EXT1: variants seen among roughly 807,000 people sequenced by gnomAD.
EXT1 encodes the protein exostosin glycosyltransferase 1, also known as exostosin-1.
EXT1 carries 20 observed loss-of-function variants against 82.5 expected under a neutral mutation model. The observed-to-expected ratio is 0.24, with a 90% CI of 0.17 to 0.35. EXT1 has a LOEUF of 0.35. EXT1 is among the 10% of genes least tolerant of loss of function. The pLI, the probability that EXT1 is intolerant of heterozygous loss-of-function variation, is 1.00. For missense variants in EXT1, 757 were observed against 936.5 expected, an observed-to-expected ratio of 0.81 and a Z score of 2.50; for synonymous variants, 348 against 350.8, an observed-to-expected ratio of 0.99 and a Z score of 0.09.
At chr8:117,889,365 C>T (rs1165940512) in intron 1 of EXT1, among the ~76,000 whole-genome samples, 2 of 152,152 alleles carry the variant, frequency 1.3e-5, no homozygotes, top group African/African-American at 2.4e-5. Flanking sequence ...AAATATACAC[C>T]GTGAGTTAAA....
At chr8:117,858,767 AGGCAGGCAGGCAGGCAGGC>A (rs1180568852) in intron 1 of EXT1, among the ~76,000 whole-genome samples, 2 of 65,252 alleles carry the variant, frequency 3.1e-5, no homozygotes, top group African/African-American at 1.4e-4. Flanking sequence ...GAAGGAAGGA[AGGCAGGCAGGCAGGCAGGC>A]AGGCAAGGCA....
At chr8:118,065,220 G>T (rs570366432) in intron 1 of EXT1, among the ~76,000 whole-genome samples, 1 of 152,190 alleles carries the variant, frequency 6.6e-6, no homozygotes, top group Non-Finnish European at 1.5e-5. Context: ...GTTCTGCTGT[G>T]CATTTCTCTA....
At chr8:117,876,043 GAAACT>G (rs1284737132) in intron 1 of EXT1, among the ~76,000 whole-genome samples, 7 of 152,220 alleles carry the variant, frequency 4.6e-5, no homozygotes, top group Non-Finnish European at 1.0e-4. Flanking sequence ...ATCCATGCCA[GAAACT>G]ATAAGAGATG....
At chr8:118,024,749 C>CT (rs1415958852) in intron 1 of EXT1, among the ~76,000 whole-genome samples, 1 of 152,054 alleles carries the variant, frequency 6.6e-6, no homozygotes, top group African/African-American at 2.4e-5. Context: ...GGAAGTGGGC[C>CT]TAGAGGTCTG....
chr8:118,036,766 C>T (rs1586356380), intron 1 of EXT1, among the ~76,000 whole-genome samples: 1 of 152,256 alleles, frequency 6.6e-6, no homozygotes. Flanking sequence ...TCTTAACCAC[C>T]TTCCAGGCTT....
At chr8:118,096,554 T>C (rs1253525896) in intron 1 of EXT1, among the ~76,000 whole-genome samples, 2 of 148,782 alleles carry the variant, frequency 1.3e-5, no homozygotes, top group Non-Finnish European at 3.0e-5. Context: ...TGAGCCGAGA[T>C]CACGCCACTG....
intron 10 of EXT1, among the ~76,000 whole-genome samples, 165 bp downstream of exon 10, chr8:117,804,557 C>T (rs189608721): frequency 7.2e-5 from 11 of 152,260 alleles, no homozygotes; most frequent in African/African-American, 2.4e-4. Flanking sequence ...CCTAATTATC[C>T]CTGCACCAAT....
intron 1 of EXT1, among the ~76,000 whole-genome samples, chr8:118,056,135 G>C (rs905185513): frequency 1.2e-4 from 18 of 152,184 alleles, no homozygotes; most frequent in African/African-American, 4.3e-4. Flanking sequence ...TTTGTGTTGG[G>C]TTGCATTCAA....
chr8:117,880,881 G>A (rs1020039097), intron 1 of EXT1, among the ~76,000 whole-genome samples: 10 of 152,246 alleles, frequency 6.6e-5, no homozygotes, highest in East Asian at 3.9e-4. Context: ...GTGAGCCACC[G>A]TGCCCGGCCT....
intron 1 of EXT1, among the ~76,000 whole-genome samples, chr8:117,930,647 C>A (rs548228728): frequency 6.6e-6 from 1 of 152,258 alleles, no homozygotes; most frequent in South Asian, 2.1e-4. Flanking sequence ...TGACAAAGTC[C>A]TTTCCAACAG....
Position 118,111,158 on chromosome 8 carries a change from T to C in EXT1, c.-112A>G. 6.9e-7 allele frequency: 1 copy of C among 1,439,380 alleles called. No individual in the cohort carries two copies. 89.2% of individuals were successfully genotyped at this position (1,439,380 alleles called of 1,614,324 possible). ...CTTCCCGCCTGTAAAGACTTCAAAC[T>C]CTCCGCTCCCACCTTCTCTGGATGC... On this transcript the variant is annotated 5_prime_UTR_variant, in exon 1 of 11. Coordinates refer to ENST00000378204, the MANE Select transcript of EXT1 (RefSeq NM_000127.3).
chr8:117,830,537 C>T (rs1188669635), intron 3 of EXT1, among the ~76,000 whole-genome samples, 188 bp from the exon 4 acceptor site: 5 of 152,214 alleles, frequency 3.3e-5, no homozygotes, highest in Non-Finnish European at 7.3e-5. Context: ...AGAGCACTTA[C>T]TGGGAATCCA....
At chr8:117,847,599 C>T (rs1812383258) in intron 1 of EXT1, among the ~76,000 whole-genome samples, 4 of 152,168 alleles carry the variant, frequency 2.6e-5, no homozygotes, top group Admixed American at 2.0e-4. Context: ...TGTAGAACCT[C>T]CTCATGGCTT....
chr8:117,849,001 C>T (rs1308472102), intron 1 of EXT1, among the ~76,000 whole-genome samples: 2 of 152,214 alleles, frequency 1.3e-5, no homozygotes, highest in Non-Finnish European at 2.9e-5. Context: ...ACATCTCTGA[C>T]TGCCCCATCC....
chr8:118,076,504 G>C (rs538660286), intron 1 of EXT1, among the ~76,000 whole-genome samples: 1 of 152,186 alleles, frequency 6.6e-6, no homozygotes, highest in African/African-American at 2.4e-5. Flanking sequence ...GAATATGTCT[G>C]TCTCAGCCCC....
intron 1 of EXT1, among the ~76,000 whole-genome samples, chr8:117,964,676 C>A (rs879645524): frequency 1.3e-5 from 2 of 151,650 alleles, no homozygotes; most frequent in Non-Finnish European, 2.9e-5. Flanking sequence ...TGAGACAGGC[C>A]CAGGCGGCTG....
At chr8:118,044,455 T>C (rs1816586853) in intron 1 of EXT1, among the ~76,000 whole-genome samples, 1 of 152,052 alleles carries the variant, frequency 6.6e-6, no homozygotes, top group African/African-American at 2.4e-5. Flanking sequence ...TTGCCCAGGC[T>C]GGAGTGCAAT....
intron 1 of EXT1, among the ~76,000 whole-genome samples, chr8:117,955,977 A>G (rs1814578339): frequency 6.6e-6 from 1 of 152,228 alleles, no homozygotes; most frequent in Admixed American, 6.5e-5. Flanking sequence ...CTTACATTAC[A>G]ATAAACAATA....
chr8:118,050,789 CA>C lies in EXT1; in HGVS notation c.962+59295del, dbSNP rs1453227094. 1.3e-5 allele frequency among the ~76,000 whole-genome samples: 2 copies of C among 150,914 alleles called. 1 individual carries two copies. The highest frequency in any genetic ancestry group is 3.0e-5 in the Non-Finnish European group (2 of 67,618). On this transcript the variant is annotated intron_variant, in intron 1 of 10. Coordinates refer to ENST00000378204, the MANE Select transcript of EXT1 (RefSeq NM_000127.3). Reference sequence around the variant, plus strand: ...TTAGCCCACAGACTCTAATTTGCCACACCAGGTCTACACCATCCATAAATAA... The same window carrying C: ...TTAGCCCACAGACTCTAATTTGCCACCCAGGTCTACACCATCCATAAATAA...
Sources: gnomAD v4.1 joint callset for allele counts (sites outside exome capture counted in the v4.1 genomes callset) on GRCh38, gnomAD v4.1.1 for gene constraint, MANE v1.5 for transcripts, NCBI Gene and HGNC (gene_info 2026-07-23, HGNC 2026-07-21) for gene names.